The following PRKG1 variants were observed in gnomAD, a reference collection of about 807,000 sequenced individuals.
PRKG1 encodes cGMP-dependent protein kinase 1.
PRKG1 carries 35 observed loss-of-function variants against 88.1 expected under a neutral mutation model. The observed-to-expected ratio is 0.40, with a 90% CI of 0.30 to 0.53. The LOEUF is 0.53. PRKG1 is among the 20% of genes least tolerant of loss of function. The pLI, the probability that PRKG1 is intolerant of heterozygous loss-of-function variation, is 0.59. For synonymous variants in PRKG1, 303 were observed against 292.5 expected (o/e 1.04, Z -0.37); for missense variants, 540 against 839.8 (o/e 0.64, Z 4.41).
chr10:51,545,001 T>C (rs1842412302), intron 3 of PRKG1, among the ~76,000 whole-genome samples: 1 of 152,050 alleles, frequency 6.6e-6, no homozygotes, highest in Admixed American at 6.6e-5. Context: ...TTTTTTATTT[T>C]TAATTTCCCT....
intron 4 of PRKG1, among the ~76,000 whole-genome samples, chr10:51,857,215 G>A (rs1589361433): frequency 6.6e-6 from 1 of 152,278 alleles, no homozygotes; most frequent in East Asian, 1.9e-4. Flanking sequence ...TGAAGAGCTA[G>A]ATAGATTAAG....
intron 8 of PRKG1, among the ~76,000 whole-genome samples, chr10:52,155,818 T>A (rs1333120173): frequency 6.6e-6 from 1 of 151,498 alleles, no homozygotes; most frequent in South Asian, 2.1e-4. Flanking sequence ...CTAGTCAACT[T>A]AACAAGACCC....
intron 2 of PRKG1, among the ~76,000 whole-genome samples, chr10:51,175,633 TA>T (rs1237762574): frequency 6.6e-6 from 1 of 152,042 alleles, no homozygotes; most frequent in Non-Finnish European, 1.5e-5. Flanking sequence ...GATATATATT[TA>T]AAAGTAATTT....
intron 3 of PRKG1, among the ~76,000 whole-genome samples, chr10:51,621,624 C>T (rs566517632): frequency 6.6e-6 from 1 of 152,100 alleles, no homozygotes; most frequent in Non-Finnish European, 1.5e-5. Context: ...TGAGGAAAAA[C>T]CAAAACCTCT....
chr10:51,510,346 T>C (rs1001479949), intron 3 of PRKG1, among the ~76,000 whole-genome samples: 1 of 152,178 alleles, frequency 6.6e-6, no homozygotes, highest in East Asian at 1.9e-4. Context: ...ATGAGAACAT[T>C]TAAAATCTAC....
At chr10:52,233,184 C>CAAAA (rs3031022) in intron 9 of PRKG1, among the ~76,000 whole-genome samples, 1 of 142,180 alleles carries the variant, frequency 7.0e-6, no homozygotes, top group African/African-American at 2.6e-5. Flanking sequence ...AAAAGGGAGC[C>CAAAA]AAAAAAAAAA....
rs117938677 is a variant in PRKG1, at chr10:51,360,061, G to C, written c.479-107662G>C. ...ACCCCCATAATGAGGGAAAATGTTA[G>C]TTGAGAATTATGGTAGTTTTATTAA... is the stretch of plus-strand genomic sequence containing the variant. On this transcript the variant is annotated intron_variant, in intron 2 of 17. Coordinates refer to ENST00000373980, the MANE Select transcript of PRKG1 (RefSeq NM_006258.4). Among the ~76,000 whole-genome samples the C allele has an allele frequency of 8.0e-3, 1,212 of 152,012 alleles. 8 individuals carry two copies. The highest frequency in any genetic ancestry group is 0.013 in the Non-Finnish European group (850 of 67,870).
At chr10:52,152,779 G>C (rs1371953601) in intron 8 of PRKG1, among the ~76,000 whole-genome samples, 3 of 152,148 alleles carry the variant, frequency 2.0e-5, no homozygotes, top group African/African-American at 7.2e-5. Flanking sequence ...TGGCAGTTGA[G>C]ACCCAAAGAT....
At chr10:51,942,762 T>C (rs11000228) in intron 5 of PRKG1, among the ~76,000 whole-genome samples, 32,807 of 150,936 alleles carry the variant, frequency 0.22, 3,725 homozygotes, top group East Asian at 0.3. Context: ...CAGATAGTTG[T>C]AGATATATGG....
intron 12 of PRKG1, among the ~76,000 whole-genome samples, chr10:52,278,544 G>C (rs1841925670): frequency 6.6e-6 from 1 of 152,110 alleles, no homozygotes; most frequent in Non-Finnish European, 1.5e-5. Context: ...CAATAGCAAA[G>C]ACTTGGACCC....
chr10:51,422,543 G>C (rs937813944), intron 2 of PRKG1, among the ~76,000 whole-genome samples: 1 of 152,126 alleles, frequency 6.6e-6, no homozygotes, highest in Admixed American at 6.5e-5. Context: ...GGCCAGACTT[G>C]GGGGACTCTT....
intron 2 of PRKG1, among the ~76,000 whole-genome samples, chr10:51,465,755 A>T (rs1327809916): frequency 1.3e-5 from 2 of 152,096 alleles, no homozygotes; most frequent in African/African-American, 4.8e-5. Context: ...AACCTCTATT[A>T]CCCTATATTG....
At chr10:51,689,838 T>C (rs1841090840) in intron 3 of PRKG1, among the ~76,000 whole-genome samples, 1 of 152,094 alleles carries the variant, frequency 6.6e-6, no homozygotes, top group African/African-American at 2.4e-5. Flanking sequence ...GTCTGGCAAA[T>C]TCAATTAAAT....
chr10:51,626,203 G>A (rs554583221), intron 3 of PRKG1, among the ~76,000 whole-genome samples: 79 of 152,270 alleles, frequency 5.2e-4, no homozygotes, highest in African/African-American at 1.9e-3. Flanking sequence ...TCACAAAGCA[G>A]CAGAAATCCC....
intron 2 of PRKG1, among the ~76,000 whole-genome samples, chr10:51,329,571 A>C (rs1841677920): frequency 6.6e-6 from 1 of 152,216 alleles, no homozygotes; most frequent in South Asian, 2.1e-4. Context: ...TTGTGCTTTC[A>C]GCTTAAAGAA....
intron 7 of PRKG1, among the ~76,000 whole-genome samples, chr10:52,083,203 G>T (rs1288090084): frequency 6.6e-6 from 1 of 151,880 alleles, no homozygotes; most frequent in Non-Finnish European, 1.5e-5. Flanking sequence ...TTAATTTGAT[G>T]TTTTTCGTAA....
At chr10:52,230,304 G>C (rs1840491717) in intron 9 of PRKG1, among the ~76,000 whole-genome samples, 1 of 152,176 alleles carries the variant, frequency 6.6e-6, no homozygotes, top group South Asian at 2.1e-4. Context: ...AAAATTCATG[G>C]ACAGAAAATC....
At chr10:52,160,781 A>T (rs1249572882) in intron 8 of PRKG1, among the ~76,000 whole-genome samples, 1 of 152,140 alleles carries the variant, frequency 6.6e-6, no homozygotes, top group Non-Finnish European at 1.5e-5. Context: ...AAGCTGACAG[A>T]GGATTAAAAT....
At chr10:52,190,391 G>C (rs1173124306) in intron 9 of PRKG1, among the ~76,000 whole-genome samples, 2 of 152,002 alleles carry the variant, frequency 1.3e-5, no homozygotes, top group Non-Finnish European at 2.9e-5. Flanking sequence ...TTTGTTAAAG[G>C]TTAAAATTCT....
Sources: allele counts gnomAD v4.1 joint callset (sites outside exome capture counted in the v4.1 genomes callset), GRCh38; gene constraint gnomAD v4.1.1; transcripts MANE v1.5; gene names NCBI Gene and HGNC (gene_info 2026-07-23, HGNC 2026-07-21).